The following SLC44A2 variants were observed in gnomAD, a reference collection of about 807,000 sequenced individuals.
The protein encoded by SLC44A2 is solute carrier family 44 member 2 (CTL2 blood group).
In SLC44A2, 57 loss-of-function variants were observed where a neutral mutation model predicts 90.8. The ratio of observed to expected loss-of-function variants is 0.63; its 90% confidence interval spans 0.51 to 0.78. SLC44A2 has a LOEUF of 0.78. Among genes scored for constraint, SLC44A2 ranks in the 30% least tolerant of loss-of-function variants. The pLI is 0.00. For missense variants in SLC44A2, 794 were observed against 919.7 expected, an observed-to-expected ratio of 0.86 and a Z score of 1.77; for synonymous variants, 355 against 360.7, an observed-to-expected ratio of 0.98 and a Z score of 0.18.
At chr19:10,618,058 G>A (rs1269718103) in intron 1 of SLC44A2, among the ~76,000 whole-genome samples, 1 of 152,132 alleles carries the variant, frequency 6.6e-6, no homozygotes, top group Non-Finnish European at 1.5e-5. Flanking sequence ...GGCTGGAAGT[G>A]CAGTGGCGTG....
Position 10,636,553 on chromosome 19 carries a change from C to A in SLC44A2, c.1464C>A (p.Phe488Leu). 6.2e-7 allele frequency: 1 copy of A among 1,607,624 alleles called. No individual in the cohort carries two copies. Among genetic ancestry groups the A allele is most frequent in the East Asian group, 2.2e-5 (1 of 44,838 alleles). The change falls in exon 15 of 22, where the codon TTC (phenylalanine) becomes TTA (leucine). Residue 488 changes from phenylalanine to leucine, a missense_variant. By Grantham distance (22) the Phe-to-Leu change is conservative. Coordinates refer to ENST00000335757, the MANE Select transcript of SLC44A2 (RefSeq NM_020428.4). Reference protein sequence around the residue: ...ALRKPDDLPAFPLFSAFGRAL... With the variant: ...ALRKPDDLPALPLFSAFGRAL... The stretch of plus-strand genomic sequence containing the variant: ...GCAAGCCGGACGACCTGCCGGCCTT[C>A]CCGCTCTTCTCTGCCTTTGGCCGGG...
chr19:10,641,305 G>C (rs1384977507), intron 20 of SLC44A2: 1 of 394,184 alleles, frequency 2.5e-6, no homozygotes, highest in East Asian at 7.4e-5. Context: ...GAGGTGGAAG[G>C]ATCACTTGAG....
chr19:10,641,072 G>A (rs1346348284), intron 20 of SLC44A2: 4 of 417,172 alleles, frequency 9.6e-6, no homozygotes, highest in Non-Finnish European at 1.8e-5. Context: ...GGGTGACAGA[G>A]CAAGATTCCG....
Position 10,627,937 on chromosome 19 carries a change from C to T in SLC44A2, c.178C>T (p.Pro60Ser), listed in dbSNP as rs769814820. ...TTCCACAGCCTGGACTCATGGAGAC[C>T]CTCGAAAGGTGATCTACCCCACTGA... ...VGIIAWTHGDPRKVIYPTDSR... is the reference protein window; with the variant it reads ...VGIIAWTHGDSRKVIYPTDSR... The change falls in exon 4 of 22, where the codon CCT (proline) becomes TCT (serine). Residue 60 changes from proline (P) to serine (S), a missense_variant. By Grantham distance (74) the Pro-to-Ser change is moderately conservative. Transcript: ENST00000335757. The T allele has an allele frequency of 3.8e-5, 61 of 1,613,804 alleles. No homozygotes were observed. The highest frequency in any genetic ancestry group is 5.1e-5 in the Non-Finnish European group (60 of 1,179,976).
intron 10 of SLC44A2, among the ~76,000 whole-genome samples, chr19:10,632,818 A>G (rs1034652677): frequency 6.6e-6 from 1 of 151,456 alleles, no homozygotes; most frequent in East Asian, 2.0e-4. Context: ...GATTACAGGC[A>G]TGCACCTCCA....
chr19:10,638,399 G>GT (rs2067082163), intron 20 of SLC44A2, 84 bp downstream of exon 20: 2 of 1,262,018 alleles, frequency 1.6e-6, no homozygotes, highest in East Asian at 4.6e-5. Flanking sequence ...GATAAATGTG[G>GT]ATAGAGGTCA....
At chr19:10,626,199 C>G in intron 1 of SLC44A2, 54 bp from the exon 2 acceptor site, 7 of 1,444,340 alleles carry the variant, frequency 4.8e-6, no homozygotes, top group Non-Finnish European at 2.0e-6. Flanking sequence ...CTCTCCCAGC[C>G]CTGTCTTGGT....
rs1324482818 is a variant in SLC44A2 at position 10,644,159 on chromosome 19, T to C, written c.*774T>C. Reference sequence around the variant, plus strand: ...GGGAGTTAGGCTGAATTTCCCGACTTCCTCTGCCAGTTATTGACACAGCTC... The same window carrying C: ...GGGAGTTAGGCTGAATTTCCCGACTCCCTCTGCCAGTTATTGACACAGCTC... On this transcript the variant is annotated 3_prime_UTR_variant, in exon 22 of 22. Transcript: ENST00000335757. 1.3e-5 allele frequency: 2 copies of C among 152,472 alleles called. No homozygotes were observed. Among genetic ancestry groups the C allele is most frequent in the African/African-American group, 4.8e-5 (2 of 41,396 alleles). The allele number at this position is 152,472 out of a possible 1,614,324, so 9.4% of individuals were successfully genotyped here.
upstream of SLC44A2, among the ~76,000 whole-genome samples, chr19:10,624,282 C>T (rs1032973174): frequency 6.6e-6 from 1 of 152,056 alleles, no homozygotes; most frequent in African/African-American, 2.4e-5. Flanking sequence ...AGGTGTTAGC[C>T]ACCACACCCA....
chr19:10,640,105 TTC>T lies in SLC44A2; in HGVS notation c.1929+1792_1929+1793del, dbSNP rs767753581. Among the ~76,000 whole-genome samples, 525 of 109,842 alleles carry T rather than the reference TTC, an allele frequency of 4.8e-3. 41 individuals carry two copies. The highest frequency in any genetic ancestry group is 0.015 in the African/African-American group (382 of 25,690). 72.1% of individuals were successfully genotyped at this position (109,842 alleles called of 152,430 possible). On this transcript the variant is annotated intron_variant, in intron 20 of 21. Transcript: ENST00000335757. ...CTGACTTTTTTTTTTTTTTTTTTTTTTCTGCGATAGAGCCTTGCTCTGTCACC... is the reference window on the plus strand; with the variant it reads ...CTGACTTTTTTTTTTTTTTTTTTTTTTGCGATAGAGCCTTGCTCTGTCACC...
intron 14 of SLC44A2, 118 bp from the exon 15 acceptor site, chr19:10,636,205 C>T: frequency 8.1e-7 from 1 of 1,233,234 alleles, no homozygotes; most frequent in Non-Finnish European, 1.1e-6. Flanking sequence ...CCCTTAACTT[C>T]AATCCCTATG....
At chr19:10,624,919 G>A (rs1031995087), upstream of SLC44A2, among the ~76,000 whole-genome samples, 1 of 152,124 alleles carries the variant, frequency 6.6e-6, no homozygotes, top group East Asian at 1.9e-4. Context: ...AGGAGCCCAC[G>A]AGTCCAGGAG....
At chr19:10,627,394 A>G (rs1252619519) in intron 2 of SLC44A2, among the ~76,000 whole-genome samples, 1 of 151,988 alleles carries the variant, frequency 6.6e-6, no homozygotes, top group Admixed American at 6.6e-5. Context: ...AAATTAAAAA[A>G]AAAATGTGTG....
chr19:10,602,639 ACCCTAGGCACCGGCGCTGCGGCTGGATGG>A, intron 1 of SLC44A2: 1 of 1,196,726 alleles, frequency 8.4e-7, no homozygotes, highest in South Asian at 4.2e-5. Context: ...GACATCTGAG[ACCCTAGGCACCGGCGCTGCGGCTGGATGG>A]CCCTCCGCGC....
rs1272206434 is a variant in SLC44A2 at position 10,635,338 on chromosome 19, T to C, written c.1148+83T>C. ...CTAGAAGTGACCTGCAGCTTAGGGA[T>C]AGGGCTGGAAACTGGTGGGAGAATG... is the stretch of plus-strand genomic sequence containing the variant. On this transcript the variant is annotated intron_variant, in intron 13 of 21. Transcript: ENST00000335757. 1.9e-6 allele frequency: 3 copies of C among 1,605,074 alleles called. No homozygotes were observed. In the East Asian group the frequency reaches 6.7e-5, roughly 36 times the overall value.
In SLC44A2 at chr19:10,634,024, G is replaced by A. The variant is rs539488356; in HGVS notation, c.824-732G>A. On this transcript the variant is annotated intron_variant, in intron 10 of 21. Coordinates refer to ENST00000335757, the MANE Select transcript of SLC44A2 (RefSeq NM_020428.4). Reference sequence around the variant, plus strand: ...CTCTCACTGTCGCCCAGGCTGGAGTGCAGTGGCGCGATCTCAGCTCACTGC... The same window carrying A: ...CTCTCACTGTCGCCCAGGCTGGAGTACAGTGGCGCGATCTCAGCTCACTGC... Among the ~76,000 whole-genome samples, 461 of 146,874 alleles carry A rather than the reference G, an allele frequency of 3.1e-3. 3 individuals carry two copies. The highest frequency in any genetic ancestry group is 0.011 in the African/African-American group (451 of 39,250).
chr19:10,633,973 A>T (rs375099890), intron 10 of SLC44A2, among the ~76,000 whole-genome samples: 98 of 107,892 alleles, frequency 9.1e-4, no homozygotes, highest in East Asian at 1.8e-3. Flanking sequence ...CCCCATCTCT[A>T]TTTTTTTTTT....
At chr19:10,634,652 G>A in intron 10 of SLC44A2, 104 bp from the exon 11 acceptor site, 1 of 1,547,852 alleles carries the variant, frequency 6.5e-7, no homozygotes. Context: ...AAGTCCCTGA[G>A]GCAGAAGCCT....
intron 1 of SLC44A2, among the ~76,000 whole-genome samples, chr19:10,613,734 C>T (rs945434894): frequency 6.6e-5 from 10 of 152,116 alleles, no homozygotes; most frequent in South Asian, 2.1e-4. Context: ...CATGGAACGA[C>T]GGAAGCGAGG....
Sources: gnomAD v4.1 joint callset for allele counts (sites outside exome capture counted in the v4.1 genomes callset) on GRCh38, gnomAD v4.1.1 for gene constraint, MANE v1.5 for transcripts, NCBI Gene and HGNC (gene_info 2026-07-23, HGNC 2026-07-21) for gene names.